GPR160: variants seen among roughly 807,000 people sequenced by gnomAD.
The protein encoded by GPR160 is G protein-coupled receptor 160.
A neutral mutation model predicts 2.6 loss-of-function variants in GPR160; 2 were observed. The observed-to-expected ratio is 0.77, with a 90% CI of 0.32 to 2.44. The LOEUF is 2.44. Among genes scored for constraint, GPR160 ranks in the 30% most tolerant of loss-of-function variants. The pLI is 0.11. For synonymous variants in GPR160, 130 were observed against 132.2 expected (o/e 0.98, Z 0.12); for missense variants, 351 against 383.6 (o/e 0.91, Z 0.71).
At chr3:170,057,564 C>T (rs1711711498) in intron 2 of GPR160, 2 of 152,232 alleles carry the variant, frequency 1.3e-5, no homozygotes, top group African/African-American at 4.8e-5. Context: ...TTCTTCCATA[C>T]CTCTAAGAAA....
intron 2 of GPR160, among the ~76,000 whole-genome samples, chr3:170,063,448 C>T (rs1712094092): frequency 6.6e-6 from 1 of 150,432 alleles, no homozygotes; most frequent in South Asian, 2.1e-4. Context: ...GCAGGAGAAT[C>T]GCTTGAACCC....
chr3:170,081,897 A>G (rs2108197055), intron 3 of GPR160, among the ~76,000 whole-genome samples: 1 of 152,300 alleles, frequency 6.6e-6, no homozygotes, highest in East Asian at 1.9e-4. Context: ...CCTGTGAAAG[A>G]CATGATCTCT....
chr3:170,062,881 ACAC>A (rs2108329018), intron 2 of GPR160: 1 of 430,118 alleles, frequency 2.3e-6, no homozygotes, highest in East Asian at 5.0e-5. Context: ...CCGGGTGTGA[ACAC>A]CAGAGGGAGC....
At chr3:170,082,762 A>AT (rs536711258) in intron 3 of GPR160, among the ~76,000 whole-genome samples, 2,855 of 140,946 alleles carry the variant, frequency 0.02, 69 homozygotes, top group East Asian at 0.12. Context: ...TGCCCAGGTA[A>AT]TTTTTTTTTT....
At chr3:170,066,717 A>T (rs537575818) in intron 2 of GPR160, among the ~76,000 whole-genome samples, 1 of 152,324 alleles carries the variant, frequency 6.6e-6, no homozygotes, top group South Asian at 2.1e-4. Context: ...GAATACTCTT[A>T]TAAACACCTA....
chr3:170,073,652 G>A (rs1287397225), intron 2 of GPR160, among the ~76,000 whole-genome samples: 5 of 152,026 alleles, frequency 3.3e-5, no homozygotes, highest in Admixed American at 6.6e-5. Flanking sequence ...CTAATAATTT[G>A]TTAACAATTT....
intron 2 of GPR160, among the ~76,000 whole-genome samples, chr3:170,070,930 T>C (rs1209727555): frequency 6.6e-6 from 1 of 152,198 alleles, no homozygotes; most frequent in African/African-American, 2.4e-5. Context: ...GTGTATAATT[T>C]GAATTTTGAA....
chr3:170,042,109 C>T (rs1716476677), intron 2 of GPR160, among the ~76,000 whole-genome samples: 1 of 152,174 alleles, frequency 6.6e-6, no homozygotes, highest in Non-Finnish European at 1.5e-5. Flanking sequence ...ATAAACACTT[C>T]GCTTTCATCT....
At chr3:170,065,830 A>G (rs760939619) in intron 2 of GPR160, among the ~76,000 whole-genome samples, 28 of 152,180 alleles carry the variant, frequency 1.8e-4, no homozygotes, top group Non-Finnish European at 2.6e-4. Context: ...TCACATGTTT[A>G]GCAGAATGTT....
rs1213130532 is a variant in GPR160, at chr3:170,084,355, C to A, written c.383C>A (p.Thr128Asn). The A allele has an allele frequency of 4.3e-6, 7 of 1,609,212 alleles. No individual in the cohort carries two copies. The highest frequency in any genetic ancestry group is 5.9e-6 in the Non-Finnish European group (7 of 1,176,696). ...IDYCLNFSKT[T>N]KLSFKCQKLF... ...TATTGCCTGAATTTCTCTAAAACAA[C>A]CAAGCTTTCATTTAAGTGTCAAAAA... The change falls in exon 4 of 4, where the codon ACC becomes AAC. Residue 128 changes from threonine (T) to asparagine (N), a missense_variant. Thr to Asn is a moderately conservative substitution (Grantham distance 65, BLOSUM62 0). Coordinates refer to ENST00000355897, the MANE Select transcript of GPR160 (RefSeq NM_014373.3).
intron 2 of GPR160, among the ~76,000 whole-genome samples, chr3:170,066,435 G>T (rs966814209): frequency 1.3e-5 from 2 of 151,950 alleles, no homozygotes; most frequent in African/African-American, 4.8e-5. Context: ...CACCGCGCCT[G>T]GCCATTTCTC....
chr3:170,062,616 A>C, intron 2 of GPR160: 1 of 1,338,856 alleles, frequency 7.5e-7, no homozygotes, highest in Non-Finnish European at 1.1e-6. Flanking sequence ...GAACTTCCAA[A>C]ACCTCCGGCC....
At chr3:170,058,338 T>C (rs1338691460) in intron 2 of GPR160, among the ~76,000 whole-genome samples, 1 of 152,002 alleles carries the variant, frequency 6.6e-6, no homozygotes, top group African/African-American at 2.4e-5. Flanking sequence ...AGTGGGTGGG[T>C]GGGGAATAAG....
intron 2 of GPR160, among the ~76,000 whole-genome samples, chr3:170,043,373 G>C (rs1401326500): frequency 1.3e-5 from 2 of 152,056 alleles, no homozygotes; most frequent in Non-Finnish European, 2.9e-5. Context: ...GTAGAGACAA[G>C]GTTTCACCAT....
intron 2 of GPR160, among the ~76,000 whole-genome samples, chr3:170,061,299 AAAC>A (rs1215365424): frequency 6.6e-5 from 10 of 151,632 alleles, no homozygotes; most frequent in East Asian, 1.9e-4. Context: ...GAAAGATAAA[AAAC>A]AACAACAACA....
intron 2 of GPR160, among the ~76,000 whole-genome samples, chr3:170,052,431 G>A (rs1716998841): frequency 6.6e-6 from 1 of 152,234 alleles, no homozygotes; most frequent in Non-Finnish European, 1.5e-5. Context: ...TCTGATGGAT[G>A]TGAAATTGTA....
intron 2 of GPR160, among the ~76,000 whole-genome samples, chr3:170,068,926 AATGTAGT>A (rs1444821215): frequency 2.6e-5 from 4 of 152,204 alleles, no homozygotes; most frequent in African/African-American, 4.8e-5. Context: ...GGGAAGATTC[AATGTAGT>A]ATCTTTAGAT....
At chr3:170,064,625 T>C (rs1301325523) in intron 2 of GPR160, among the ~76,000 whole-genome samples, 5 of 150,368 alleles carry the variant, frequency 3.3e-5, no homozygotes, top group African/African-American at 1.2e-4. Flanking sequence ...TTAAAGCGAT[T>C]CTTCTGCCTC....
intron 2 of GPR160, among the ~76,000 whole-genome samples, chr3:170,061,692 C>A (rs1166925873): frequency 6.6e-6 from 1 of 151,950 alleles, no homozygotes; most frequent in African/African-American, 2.4e-5. Flanking sequence ...GGTATATTTC[C>A]ATCTCATCTA....
Sources: allele counts gnomAD v4.1 joint callset (sites outside exome capture counted in the v4.1 genomes callset), GRCh38; gene constraint gnomAD v4.1.1; transcripts MANE v1.5; gene names NCBI Gene and HGNC (gene_info 2026-07-23, HGNC 2026-07-21).